Variants in PDE4B observed in about 807,000 individuals in gnomAD.
PDE4B encodes the protein 3',5'-cyclic-AMP phosphodiesterase 4B.
In PDE4B, 20 loss-of-function variants were observed where a neutral mutation model predicts 82.2. That is an observed-to-expected ratio of 0.24 (90% CI 0.17 to 0.35). The LOEUF is 0.35. Ranked by LOEUF, PDE4B falls within the 10% of genes least tolerant of loss-of-function variation. The probability of loss-of-function intolerance (pLI) is 1.00; values close to 1 mark genes in which losing one functional copy is unlikely to be tolerated. For missense variants in PDE4B, 655 were observed against 907.2 expected, an observed-to-expected ratio of 0.72 and a Z score of 3.57; for synonymous variants, 320 against 318.9, an observed-to-expected ratio of 1.00 and a Z score of -0.04.
rs556050138 is a variant in PDE4B, at chr1:66,309,079, T to G, written c.635-23429T>G. 6.2e-4 allele frequency among the ~76,000 whole-genome samples: 95 copies of G among 152,244 alleles called. 1 individual carries two copies. The highest frequency in any genetic ancestry group is 2.2e-3 in the African/African-American group (93 of 41,548). On this transcript the variant is annotated intron_variant, in intron 7 of 16. Transcript: ENST00000341517. Reference sequence around the variant, plus strand: ...ACAAAAAATCCTGTGTCTTTATGAGTGTTTGGAACTTCAGGATTCACCAAA... The same window carrying G: ...ACAAAAAATCCTGTGTCTTTATGAGGGTTTGGAACTTCAGGATTCACCAAA...
chr1:65,927,633 A>G (rs1231389620), intron 3 of PDE4B, among the ~76,000 whole-genome samples: 1 of 151,930 alleles, frequency 6.6e-6, no homozygotes, highest in African/African-American at 2.4e-5. Flanking sequence ...TGTCTTCTGC[A>G]CAGCCAAATG....
At chr1:65,932,347 C>G (rs1386707443) in intron 3 of PDE4B, among the ~76,000 whole-genome samples, 2 of 151,926 alleles carry the variant, frequency 1.3e-5, no homozygotes, top group African/African-American at 2.4e-5. Context: ...AGGAATGGCC[C>G]CAATATCACT....
chr1:65,837,787 G>A (rs568137177), intron 1 of PDE4B, among the ~76,000 whole-genome samples: 2 of 151,548 alleles, frequency 1.3e-5, no homozygotes, highest in Non-Finnish European at 2.9e-5. Context: ...TTGTTACATA[G>A]GTAAACTTGT....
chr1:66,298,118 A>G (rs1429803895), intron 7 of PDE4B, among the ~76,000 whole-genome samples: 4 of 152,214 alleles, frequency 2.6e-5, no homozygotes, highest in Non-Finnish European at 4.4e-5. Flanking sequence ...TGCTAATTTA[A>G]TAACTTACAA....
intron 3 of PDE4B, among the ~76,000 whole-genome samples, chr1:66,225,920 G>A (rs1425288536): frequency 6.6e-6 from 1 of 152,156 alleles, no homozygotes; most frequent in Non-Finnish European, 1.5e-5. Context: ...TAGCTCATTG[G>A]ATTATTTCTT....
At chr1:66,216,293 ATGTGCATGGGCCT>A (rs1327789736) in intron 3 of PDE4B, among the ~76,000 whole-genome samples, 1 of 151,838 alleles carries the variant, frequency 6.6e-6, no homozygotes, top group Non-Finnish European at 1.5e-5. Context: ...GCCCTCCTCA[ATGTGCATGGGCCT>A]CATTTCCTGT....
chr1:65,914,957 A>G (rs1459446738), intron 2 of PDE4B, among the ~76,000 whole-genome samples: 1 of 152,212 alleles, frequency 6.6e-6, no homozygotes. Context: ...CATGAAATAC[A>G]TCTTGGATTT....
chr1:66,306,574 C>T (rs1028190316), intron 7 of PDE4B, among the ~76,000 whole-genome samples: 1 of 152,082 alleles, frequency 6.6e-6, no homozygotes, highest in East Asian at 1.9e-4. Context: ...GGGAGAAAGA[C>T]GGTGCCATTC....
chr1:66,117,840 T>TA, intron 3 of PDE4B, among the ~76,000 whole-genome samples: 1 of 152,350 alleles, frequency 6.6e-6, no homozygotes. Flanking sequence ...AGATAAGATG[T>TA]GATTGCTTCT....
At chr1:66,207,337 T>G (rs1370855176) in intron 3 of PDE4B, among the ~76,000 whole-genome samples, 1 of 152,178 alleles carries the variant, frequency 6.6e-6, no homozygotes, top group Non-Finnish European at 1.5e-5. Context: ...TTAATGCAAT[T>G]TATAGTGTTA....
intron 7 of PDE4B, among the ~76,000 whole-genome samples, chr1:66,307,402 C>T (rs1271597881): frequency 3.3e-5 from 5 of 152,014 alleles, no homozygotes; most frequent in Non-Finnish European, 7.4e-5. Flanking sequence ...GACAGAGGAG[C>T]AGGAACCAGG....
intron 3 of PDE4B, among the ~76,000 whole-genome samples, chr1:66,016,713 A>C (rs1315703200): frequency 6.6e-6 from 1 of 152,204 alleles, no homozygotes; most frequent in Admixed American, 6.5e-5. Flanking sequence ...AAAAATAATC[A>C]TAATCATCAA....
At chr1:66,318,367 A>T (rs1269376172) in intron 7 of PDE4B, among the ~76,000 whole-genome samples, 1 of 152,224 alleles carries the variant, frequency 6.6e-6, no homozygotes, top group Non-Finnish European at 1.5e-5. Context: ...GTGGGTCAAA[A>T]ATAAAGTTAA....
At chr1:66,029,057 A>G (rs563076268) in intron 3 of PDE4B, among the ~76,000 whole-genome samples, 107 of 152,164 alleles carry the variant, frequency 7.0e-4, no homozygotes, top group African/African-American at 2.5e-3. Context: ...CCTTTTTCAC[A>G]CTGCTTATAA....
At chr1:66,343,320 G>A (rs1661155275) in intron 8 of PDE4B, among the ~76,000 whole-genome samples, 1 of 152,138 alleles carries the variant, frequency 6.6e-6, no homozygotes. Flanking sequence ...GAAACAGAGG[G>A]ATTTACCCTC....
chr1:66,359,036 C>T (rs773656244), intron 9 of PDE4B, among the ~76,000 whole-genome samples: 1 of 152,082 alleles, frequency 6.6e-6, no homozygotes, highest in Admixed American at 6.6e-5. Flanking sequence ...TGTCTAATTT[C>T]AAGGGAAACA....
In PDE4B at chr1:66,373,239, T is replaced by C. The variant is rs1424509638; in HGVS notation, c.*561T>C. ...CTTCCTTCTTTCTTGGGCAATATCC[T>C]TCACTTTACTACAGTTACTTTTGCA... On this transcript the variant is annotated 3_prime_UTR_variant, in exon 17 of 17. Coordinates refer to ENST00000341517, the MANE Select transcript of PDE4B (RefSeq NM_002600.4). The C allele has an allele frequency of 6.5e-6, 1 of 153,952 alleles. No individual in the cohort carries two copies. The highest frequency in any genetic ancestry group is 2.4e-5 in the African/African-American group (1 of 41,474). 9.5% of individuals were successfully genotyped at this position (153,952 alleles called of 1,614,324 possible). A position where few individuals can be genotyped will look rare whatever the true frequency, so the allele number is the denominator to read the frequency against.
At chr1:65,817,691 G>C (rs1645902785) in intron 1 of PDE4B, among the ~76,000 whole-genome samples, 1 of 152,102 alleles carries the variant, frequency 6.6e-6, no homozygotes, top group Non-Finnish European at 1.5e-5. Flanking sequence ...CCTAAAAATT[G>C]AAGATTAATT....
intron 3 of PDE4B, among the ~76,000 whole-genome samples, chr1:66,010,282 T>G (rs1456144086): frequency 1.3e-5 from 2 of 151,744 alleles, no homozygotes; most frequent in Non-Finnish European, 2.9e-5. Flanking sequence ...CAAAGTAATT[T>G]TATCTGGAAA....
Sources: allele counts gnomAD v4.1 joint callset (sites outside exome capture counted in the v4.1 genomes callset), GRCh38; gene constraint gnomAD v4.1.1; transcripts MANE v1.5; gene names NCBI Gene and HGNC (gene_info 2026-07-23, HGNC 2026-07-21).